VPS37A: variants seen among roughly 807,000 people sequenced by gnomAD.
The protein encoded by VPS37A is VPS37A subunit of ESCRT-I.
Under a neutral mutation model 49.8 loss-of-function variants are expected in VPS37A, and 30 were observed. That is an observed-to-expected ratio of 0.60 (90% confidence interval 0.45 to 0.82). The LOEUF (loss-of-function observed/expected upper bound fraction) is 0.82, where lower values mean the gene tolerates loss of function less well. VPS37A is among the 40% of genes least tolerant of loss of function. The pLI, the probability that VPS37A is intolerant of heterozygous loss-of-function variation, is 0.00. For missense variants in VPS37A, 593 were observed against 464.4 expected (o/e 1.28, Z -2.55); for synonymous variants, 195 against 160.6 (o/e 1.21, Z -1.62).
intron 1 of VPS37A, among the ~76,000 whole-genome samples, chr8:17,252,177 T>C (rs950215795): frequency 1.3e-5 from 2 of 152,170 alleles, no homozygotes; most frequent in African/African-American, 4.8e-5. Flanking sequence ...TTCCTTTTTA[T>C]TTATTTATTT....
chr8:17,292,150 C>A (rs1030621231), intron 11 of VPS37A, among the ~76,000 whole-genome samples: 1 of 152,094 alleles, frequency 6.6e-6, no homozygotes, highest in Middle Eastern at 3.2e-3. Context: ...TCTGGGTGCT[C>A]CTGTATTGGG....
downstream of VPS37A, among the ~76,000 whole-genome samples, chr8:17,303,610 CTTTT>C (rs10589081): frequency 7.8e-5 from 11 of 141,168 alleles, no homozygotes; most frequent in Admixed American, 1.4e-4. Context: ...TACATACAAT[CTTTT>C]TTTTTTTTTT....
chr8:17,247,842 C>T, intron 1 of VPS37A: 1 of 688,112 alleles, frequency 1.5e-6, no homozygotes. Context: ...TCAGTGAATG[C>T]TTCTCGTCTG....
chr8:17,304,927 G>C (rs1048840832), downstream of VPS37A, among the ~76,000 whole-genome samples: 2 of 152,132 alleles, frequency 1.3e-5, no homozygotes, highest in Admixed American at 6.5e-5. Flanking sequence ...CTGAGGAATA[G>C]AGAGAATAAG....
intron 4 of VPS37A, among the ~76,000 whole-genome samples, chr8:17,274,338 T>G (rs1349828370): frequency 1.3e-5 from 2 of 152,246 alleles, no homozygotes; most frequent in Non-Finnish European, 2.9e-5. Flanking sequence ...CAGAGAAAGC[T>G]GTTAGCCTCT....
At chr8:17,304,653 T>C, downstream of VPS37A, 2 of 861,358 alleles carry the variant, frequency 2.3e-6, no homozygotes, top group Non-Finnish European at 3.6e-6. Flanking sequence ...CAGGTAAATG[T>C]ATCATCTTGG....
At chr8:17,313,529 A>C in the VPS37A span, 1 of 579,362 alleles carries the variant, frequency 1.7e-6, no homozygotes, top group Non-Finnish European at 3.0e-6. Context: ...GCAAGCCTTA[A>C]GTCAAAATAA....
intron 1 of VPS37A, among the ~76,000 whole-genome samples, chr8:17,251,962 A>C (rs1812021343): frequency 6.6e-6 from 1 of 152,104 alleles, no homozygotes; most frequent in African/African-American, 2.4e-5. Context: ...TGGGATTCTG[A>C]GTAAGCTTAA....
chr8:17,280,844 C>G (rs1814990304), intron 9 of VPS37A, among the ~76,000 whole-genome samples: 1 of 151,674 alleles, frequency 6.6e-6, no homozygotes, highest in Non-Finnish European at 1.5e-5. Flanking sequence ...GTATTATCTG[C>G]TACAAATAAG....
At chr8:17,265,571 A>G (rs887385083) in intron 1 of VPS37A, among the ~76,000 whole-genome samples, 3 of 152,230 alleles carry the variant, frequency 2.0e-5, no homozygotes, top group African/African-American at 4.8e-5. Context: ...TGGATTGCTC[A>G]TCTGTATTAA....
chr8:17,284,437 T>C, intron 9 of VPS37A, 36 bp from the exon 10 acceptor site: 4 of 1,543,424 alleles, frequency 2.6e-6, no homozygotes, highest in South Asian at 2.6e-5. Context: ...CTTGTGAGTA[T>C]CATAAATTAA....
chr8:17,247,259 T>A lies in VPS37A; in HGVS notation c.15T>A (p.Phe5Leu). The A allele has an allele frequency of 6.4e-7, 1 of 1,571,372 alleles. No individual in the cohort carries two copies. Among genetic ancestry groups the A allele is most frequent in the Non-Finnish European group, 8.6e-7 (1 of 1,158,294 alleles). The change falls in exon 1 of 12, where the codon TTT becomes TTA. Residue 5 changes from phenylalanine to leucine, a missense_variant. Physicochemically the swap from Phe to Leu is conservative, Grantham distance 22. Coordinates refer to ENST00000324849, the MANE Select transcript of VPS37A (RefSeq NM_152415.3). The part of the protein sequence containing the change: MSWL[F>L]PLTKSASSSA... ...ACCCGAGGAGGATGAGCTGGCTTTT[T>A]CCCCTGACCAAGAGCGCCTCCTCCT...
the VPS37A span, among the ~76,000 whole-genome samples, chr8:17,326,697 C>A: frequency 6.6e-6 from 1 of 152,196 alleles, no homozygotes; most frequent in Admixed American, 6.5e-5. Flanking sequence ...GGGCCCTCAG[C>A]TGAATTCTGC....
At chr8:17,309,232 G>T in the VPS37A span, 1 of 1,233,416 alleles carries the variant, frequency 8.1e-7, no homozygotes, top group Non-Finnish European at 1.2e-6. Context: ...TTCAGAAACA[G>T]TGCTTTTATT....
chr8:17,312,776 C>T, the VPS37A span, among the ~76,000 whole-genome samples: 5 of 152,074 alleles, frequency 3.3e-5, no homozygotes, highest in African/African-American at 1.2e-4. Context: ...ATATGGTTCT[C>T]TTTAGGTATA....
At chr8:17,270,127 A>T (rs939927104) in intron 4 of VPS37A, among the ~76,000 whole-genome samples, 3 of 152,138 alleles carry the variant, frequency 2.0e-5, no homozygotes, top group African/African-American at 4.8e-5. Context: ...GGATGGCATT[A>T]AAGTATTCAT....
chr8:17,315,514 T>A, the VPS37A span, among the ~76,000 whole-genome samples: 1 of 152,200 alleles, frequency 6.6e-6, no homozygotes. Context: ...CACAACAATG[T>A]ACCACTCCGT....
chr8:17,330,932 G>A, the VPS37A span, among the ~76,000 whole-genome samples: 484 of 152,280 alleles, frequency 3.2e-3, 2 homozygotes, highest in African/African-American at 0.011. Context: ...CCATTGTAGA[G>A]TCCCTGACTG....
chr8:17,305,366 A>G (rs1466584934), downstream of VPS37A, among the ~76,000 whole-genome samples: 1 of 152,236 alleles, frequency 6.6e-6, no homozygotes, highest in East Asian at 1.9e-4. Context: ...TTTAATCTGA[A>G]TAAATTCTGG....
Sources: gnomAD v4.1 joint callset for allele counts (sites outside exome capture counted in the v4.1 genomes callset) on GRCh38, gnomAD v4.1.1 for gene constraint, MANE v1.5 for transcripts, NCBI Gene and HGNC (gene_info 2026-07-23, HGNC 2026-07-21) for gene names.